Variants in FABP7 observed in about 807,000 individuals in gnomAD.
FABP7 encodes the protein fatty acid binding protein 7.
In FABP7, 13 loss-of-function variants were observed where a neutral mutation model predicts 14.2. That is an observed-to-expected ratio of 0.91 (90% CI 0.59 to 1.45). FABP7 has a LOEUF of 1.45. Among genes scored for constraint, FABP7 ranks in the 40% most tolerant of loss-of-function variants. The probability of loss-of-function intolerance (pLI) is 0.00; values close to 1 mark genes in which losing one functional copy is unlikely to be tolerated. For synonymous variants in FABP7, 49 were observed against 51.4 expected, an observed-to-expected ratio of 0.95 and a Z score of 0.20; for missense variants, 149 against 157.6, an observed-to-expected ratio of 0.95 and a Z score of 0.29.
the FABP7 span, among the ~76,000 whole-genome samples, chr6:122,756,237 T>A: frequency 6.6e-6 from 1 of 152,084 alleles, no homozygotes; most frequent in Admixed American, 6.6e-5. Flanking sequence ...GGCTCATTCT[T>A]CCCCCAAGCT....
chr6:122,762,570 G>A, the FABP7 span, among the ~76,000 whole-genome samples: 1 of 151,936 alleles, frequency 6.6e-6, no homozygotes, highest in African/African-American at 2.4e-5. Context: ...GAAATAAAGG[G>A]TATTCAGTTA....
the FABP7 span, among the ~76,000 whole-genome samples, chr6:122,767,658 T>TC: frequency 6.6e-6 from 1 of 151,060 alleles, no homozygotes; most frequent in Non-Finnish European, 1.5e-5. Context: ...TGCCTGTAAT[T>TC]CCCCCACTTA....
At chr6:122,775,701 C>A (rs1309857518), upstream of FABP7, among the ~76,000 whole-genome samples, 11 of 109,496 alleles carry the variant, frequency 1.0e-4, no homozygotes, top group Admixed American at 4.5e-4. Context: ...ACAACAACAA[C>A]AACAAAAAAA....
At chr6:122,763,222 A>G in the FABP7 span, among the ~76,000 whole-genome samples, 1 of 152,214 alleles carries the variant, frequency 6.6e-6, no homozygotes, top group Admixed American at 6.5e-5. Flanking sequence ...CAGAGCCCTC[A>G]GAAGTAATTC....
At chr6:122,752,230 C>T in the FABP7 span, among the ~76,000 whole-genome samples, 4 of 152,216 alleles carry the variant, frequency 2.6e-5, no homozygotes, top group Non-Finnish European at 5.9e-5. Context: ...ACTCTGTGTT[C>T]TGAGGAAGAA....
chr6:122,749,267 TG>T, the FABP7 span, among the ~76,000 whole-genome samples: 11 of 152,282 alleles, frequency 7.2e-5, no homozygotes, highest in Non-Finnish European at 1.5e-4. Flanking sequence ...CCCTTAAACC[TG>T]GTGGAATGCA....
rs1292433982 is a variant in FABP7 at position 122,779,822 on chromosome 6, A to G, written c.28A>G (p.Lys10Glu). The G allele has an allele frequency of 8.1e-6, 13 of 1,614,028 alleles. No homozygotes were observed. Among genetic ancestry groups the G allele is most frequent in the Non-Finnish European group, 1.1e-5 (13 of 1,180,026 alleles). MVEAFCATW[K>E]LTNSQNFDEY... ...GGTGGAGGCTTTCTGTGCTACCTGG[A>G]AGCTGACCAACAGTCAGAACTTTGA... The change falls in exon 1 of 4, where the codon AAG (lysine) becomes GAG (glutamate). Residue 10 changes from lysine (K) to glutamate (E), a missense_variant. Transcript: ENST00000368444.
At chr6:122,760,125 A>G in the FABP7 span, among the ~76,000 whole-genome samples, 1 of 152,152 alleles carries the variant, frequency 6.6e-6, no homozygotes, top group South Asian at 2.1e-4. Flanking sequence ...TATAATTTAC[A>G]TACCATAATT....
At chr6:122,783,604 T>A in intron 3 of FABP7, 113 bp from the exon 4 acceptor site, 1 of 1,449,240 alleles carries the variant, frequency 6.9e-7, no homozygotes, top group Non-Finnish European at 9.0e-7. Flanking sequence ...GCATTTAATG[T>A]TTGTAAATGT....
At chr6:122,753,734 GAGC>G in the FABP7 span, among the ~76,000 whole-genome samples, 1 of 150,512 alleles carries the variant, frequency 6.6e-6, no homozygotes, top group Non-Finnish European at 1.5e-5. Flanking sequence ...AAGTGGACTC[GAGC>G]AGCAGCTTAA....
At chr6:122,761,585 A>G in the FABP7 span, among the ~76,000 whole-genome samples, 4 of 152,172 alleles carry the variant, frequency 2.6e-5, no homozygotes, top group Non-Finnish European at 5.9e-5. Flanking sequence ...AAACAGACTT[A>G]TGATTAAAAA....
chr6:122,781,879 C>A, intron 3 of FABP7: 1 of 396,984 alleles, frequency 2.5e-6, no homozygotes, highest in Non-Finnish European at 3.4e-6. Context: ...GTAGCTGGGA[C>A]CACAGGTGCA....
At position 122,783,884 on chromosome 6, in the gene FABP7, G is replaced by A; in HGVS notation, c.*117G>A. The A allele has an allele frequency of 1.3e-6, 1 of 766,700 alleles. No individual in the cohort carries two copies. The highest frequency in any genetic ancestry group is 2.1e-6 in the Non-Finnish European group (1 of 484,726). The allele number at this position is 766,700 out of a possible 1,614,324, so 47.5% of individuals were successfully genotyped here. A position where few individuals can be genotyped will look rare whatever the true frequency, so the allele number is the denominator to read the frequency against. On this transcript the variant is annotated 3_prime_UTR_variant, in exon 4 of 4. Transcript: ENST00000368444. The stretch of plus-strand genomic sequence containing the variant: ...ATTAGAAGGTTATCCTTGGTGTGGA[G>A]GTGGAAAATGGTGATTTAAAAACTT...
upstream of FABP7, among the ~76,000 whole-genome samples, chr6:122,777,039 A>G (rs1780687937): frequency 2.0e-5 from 3 of 152,214 alleles, no homozygotes; most frequent in African/African-American, 4.8e-5. Context: ...CTTTATCTAG[A>G]GAGTGGAAGA....
chr6:122,757,914 C>A, the FABP7 span, among the ~76,000 whole-genome samples: 1 of 152,022 alleles, frequency 6.6e-6, no homozygotes, highest in African/African-American at 2.4e-5. Flanking sequence ...TTGATCTTTA[C>A]TAAGATTTAT....
the FABP7 span, among the ~76,000 whole-genome samples, chr6:122,759,193 C>T: frequency 6.6e-6 from 1 of 152,082 alleles, no homozygotes; most frequent in Non-Finnish European, 1.5e-5. Context: ...CCTAGATGTT[C>T]CTCATGGGGG....
chr6:122,768,738 C>T, the FABP7 span, among the ~76,000 whole-genome samples: 1 of 151,930 alleles, frequency 6.6e-6, no homozygotes, highest in Non-Finnish European at 1.5e-5. Context: ...TAACTTTGTG[C>T]CCCCAGATAA....
the FABP7 span, among the ~76,000 whole-genome samples, chr6:122,774,143 C>T: frequency 1.3e-5 from 2 of 151,920 alleles, no homozygotes; most frequent in Non-Finnish European, 2.9e-5. Flanking sequence ...GGGTGGATCA[C>T]GTGAGGTCAG....
the FABP7 span, among the ~76,000 whole-genome samples, chr6:122,774,017 G>A: frequency 2.6e-5 from 4 of 152,068 alleles, no homozygotes; most frequent in Non-Finnish European, 4.4e-5. Context: ...CTGTAGATGC[G>A]TTTGTATGAT....
Sources: gnomAD v4.1 joint callset for allele counts (sites outside exome capture counted in the v4.1 genomes callset) on GRCh38, gnomAD v4.1.1 for gene constraint, MANE v1.5 for transcripts, NCBI Gene and HGNC (gene_info 2026-07-23, HGNC 2026-07-21) for gene names.